The following DNAH6 variants were observed in gnomAD, a reference collection of about 807,000 sequenced individuals.
DNAH6 encodes the protein axonemal beta dynein heavy chain 6.
DNAH6 carries 340 observed loss-of-function variants against 491.4 expected under a neutral mutation model. The observed-to-expected ratio is 0.69, with a 90% confidence interval of 0.63 to 0.76. DNAH6 has a LOEUF of 0.76. DNAH6 is among the 30% of genes least tolerant of loss of function. The probability of loss-of-function intolerance (pLI) is 0.00; values close to 1 mark genes in which losing one functional copy is unlikely to be tolerated. For synonymous variants in DNAH6, 1,603 were observed against 1,686.1 expected (o/e 0.95, Z 1.21); for missense variants, 4,443 against 4,972.2 (o/e 0.89, Z 3.20).
chr2:84,819,010 G>T (rs913876006), intron 76 of DNAH6, among the ~76,000 whole-genome samples: 1 of 152,080 alleles, frequency 6.6e-6, no homozygotes, highest in Non-Finnish European at 1.5e-5. Flanking sequence ...GAGGGCAGAG[G>T]TTGCAGCAAG....
chr2:84,530,642 A>G (rs952860214), intron 4 of DNAH6, among the ~76,000 whole-genome samples: 2 of 152,216 alleles, frequency 1.3e-5, no homozygotes, highest in African/African-American at 4.8e-5. Context: ...CTTTGAGGCA[A>G]CAAGGGTTGA....
chr2:84,698,854 C>G (rs75808376), intron 47 of DNAH6, among the ~76,000 whole-genome samples: 3,830 of 152,202 alleles, frequency 0.025, 56 homozygotes, highest in Middle Eastern at 0.085. Context: ...TACTACACAG[C>G]CATTAAAAAT....
At position 84,670,475 on chromosome 2, in the gene DNAH6, G is replaced by A; in HGVS notation, c.6454G>A (p.Gly2152Arg). ...GGAGAGAAAAAGAAAAAATATTCTA[G>A]GTAAGAATCATTATTTTAGTTTGTC... The part of the protein sequence containing the change: ...KLERKRKNIL[G>R]APGNKRIVIF... Residue 2152 changes from glycine to arginine, a missense_variant and splice_region_variant, in exon 39 of 77, where the codon GGA (glycine) becomes AGA (arginine). Physicochemically the swap from Gly to Arg is moderately radical, Grantham distance 125 (BLOSUM62 -2). Transcript: ENST00000389394. 1.3e-6 allele frequency: 2 copies of A among 1,510,732 alleles called. No homozygotes were observed. Among genetic ancestry groups the A allele is most frequent in the African/African-American group, 1.4e-5 (1 of 71,178 alleles). The allele number at this position is 1,510,732 out of a possible 1,614,324, so 93.6% of individuals were successfully genotyped here.
At chr2:84,626,371 A>C (rs1242792341) in intron 29 of DNAH6, among the ~76,000 whole-genome samples, 1 of 152,132 alleles carries the variant, frequency 6.6e-6, no homozygotes, top group African/African-American at 2.4e-5. Context: ...TAACTAAATT[A>C]TGTCTTCACT....
chr2:84,818,484 C>CAAAAAAAA (rs59242387), intron 76 of DNAH6, among the ~76,000 whole-genome samples: 2 of 63,826 alleles, frequency 3.1e-5, no homozygotes, highest in Non-Finnish European at 5.9e-5. Context: ...GACCCTATCT[C>CAAAAAAAA]AAAAAAAAAA....
chr2:84,636,281 C>A (rs1688871251), intron 30 of DNAH6, among the ~76,000 whole-genome samples: 1 of 152,238 alleles, frequency 6.6e-6, no homozygotes, highest in African/African-American at 2.4e-5. Flanking sequence ...AATTGCTCAT[C>A]ATTTCCGGAA....
At chr2:84,546,794 G>A (rs549503865) in intron 5 of DNAH6, among the ~76,000 whole-genome samples, 7 of 152,056 alleles carry the variant, frequency 4.6e-5, no homozygotes, top group African/African-American at 9.7e-5. Flanking sequence ...GCAACTTTAC[G>A]TTTAACCTTT....
rs1249508548 is a variant in DNAH6, at chr2:84,605,568, A to T, written c.3150A>T (p.Ile1050=). 1 of 1,551,496 alleles carries T rather than the reference A, an allele frequency of 6.4e-7. No individual in the cohort carries two copies. Among genetic ancestry groups the T allele is most frequent in the East Asian group, 2.4e-5 (1 of 40,902 alleles). Residue 1050 remains isoleucine, a synonymous_variant, in exon 20 of 77, where the codon ATA becomes ATT. Coordinates refer to ENST00000389394, the MANE Select transcript of DNAH6 (RefSeq NM_001370.2). ...ACCGTGACTCCAAAGATGTGTTTAT[A>T]CTGGGCGGCACAGATGACATACAGG... ...LPHRDSKDVF[I]LGGTDDIQVL...
Position 84,711,906 on chromosome 2 carries a change from G to A in DNAH6, c.9379-1189G>A, listed in dbSNP as rs560338902. 3.3e-5 allele frequency among the ~76,000 whole-genome samples: 5 copies of A among 152,346 alleles called. No homozygotes were observed. In the South Asian group the frequency reaches 8.3e-4, roughly 25 times the overall value. On this transcript the variant is annotated intron_variant, in intron 56 of 76. Transcript: ENST00000389394. The stretch of plus-strand genomic sequence containing the variant: ...TGAACTCAGGTTTACTTTATGACAC[G>A]AGAGATCCTGAGGGACTTTCCTCTT...
intron 71 of DNAH6, 62 bp downstream of exon 71, chr2:84,805,856 G>A (rs1679370072): frequency 1.4e-6 from 2 of 1,472,584 alleles, no homozygotes; most frequent in Non-Finnish European, 1.8e-6. Flanking sequence ...TCAGAGAACT[G>A]AGTGATAAAC....
intron 69 of DNAH6, among the ~76,000 whole-genome samples, chr2:84,797,140 TAGAG>T (rs1678433007): frequency 6.6e-6 from 1 of 152,230 alleles, no homozygotes; most frequent in African/African-American, 2.4e-5. Context: ...TTTGGGCAAT[TAGAG>T]AGGGCTGTTG....
chr2:84,616,780 C>T, intron 22 of DNAH6, 106 bp from the exon 23 acceptor site: 2 of 515,426 alleles, frequency 3.9e-6, no homozygotes, highest in Non-Finnish European at 6.6e-6. Context: ...AAATAGTTTT[C>T]TAGGGAGAAG....
At chr2:84,672,546 A>G in intron 40 of DNAH6, 62 bp downstream of exon 40, 1 of 1,446,764 alleles carries the variant, frequency 6.9e-7, no homozygotes. Context: ...AATATGATGT[A>G]TAGTTTGTGA....
At chr2:84,724,638 G>A (rs1698456354) in intron 60 of DNAH6, among the ~76,000 whole-genome samples, 1 of 152,186 alleles carries the variant, frequency 6.6e-6, no homozygotes, top group Admixed American at 6.5e-5. Context: ...TGCTGGGACT[G>A]CAAACATCTA....
chr2:84,755,928 C>T (rs774745507), intron 63 of DNAH6, among the ~76,000 whole-genome samples: 5 of 152,170 alleles, frequency 3.3e-5, no homozygotes, highest in Non-Finnish European at 5.9e-5. Context: ...ATAAGTCTCA[C>T]GAGATCTGAT....
chr2:84,758,208 T>C (rs967813320), intron 63 of DNAH6, among the ~76,000 whole-genome samples: 1 of 152,216 alleles, frequency 6.6e-6, no homozygotes, highest in African/African-American at 2.4e-5. Flanking sequence ...TTCAAAAGCA[T>C]TTCATGAGTG....
intron 10 of DNAH6, among the ~76,000 whole-genome samples, chr2:84,554,838 C>A (rs919752671): frequency 2.5e-4 from 38 of 152,218 alleles, no homozygotes; most frequent in African/African-American, 8.9e-4. Context: ...CTGCAGATGA[C>A]AAAAGGAGGC....
At chr2:84,712,243 T>C (rs1484930387) in intron 56 of DNAH6, among the ~76,000 whole-genome samples, 1 of 152,258 alleles carries the variant, frequency 6.6e-6, no homozygotes, top group Admixed American at 6.5e-5. Flanking sequence ...CTCAAAATTA[T>C]ATTGAATAAA....
At chr2:84,750,468 A>G (rs1381863401) in intron 63 of DNAH6, among the ~76,000 whole-genome samples, 2 of 152,122 alleles carry the variant, frequency 1.3e-5, no homozygotes, top group African/African-American at 4.8e-5. Flanking sequence ...TACAAGTGTG[A>G]GCCACCATGC....
Sources: allele counts gnomAD v4.1 joint callset (sites outside exome capture counted in the v4.1 genomes callset), GRCh38; gene constraint gnomAD v4.1.1; transcripts MANE v1.5; gene names NCBI Gene and HGNC (gene_info 2026-07-23, HGNC 2026-07-21).